TOMM40L: variants seen among roughly 807,000 people sequenced by gnomAD.
The protein encoded by TOMM40L is translocase of outer mitochondrial membrane 40 like.
TOMM40L carries 17 observed loss-of-function variants against 38.3 expected under a neutral mutation model. That is an observed-to-expected ratio of 0.44 (90% CI 0.30 to 0.67). TOMM40L has a LOEUF of 0.67. Among genes scored for constraint, TOMM40L ranks in the 30% least tolerant of loss-of-function variants. The probability of loss-of-function intolerance (pLI) is 0.08; values close to 1 mark genes in which losing one functional copy is unlikely to be tolerated. For synonymous variants in TOMM40L, 151 were observed against 150.2 expected (o/e 1.01, Z -0.04); for missense variants, 294 against 390.0 (o/e 0.75, Z 2.07).
rs1666700804 is a variant in TOMM40L at position 161,229,854 on chromosome 1, G to T, written c.*759G>T. The T allele has an allele frequency of 6.2e-7, 1 of 1,614,178 alleles. No homozygotes were observed. The highest frequency in any genetic ancestry group is 2.2e-5 in the East Asian group (1 of 44,874). ...TGGCAGACAGGCCCTGGATGTGCTGGATTTGGTACCCGTAGGCCTCATTAA... is the reference window on the plus strand; with the variant it reads ...TGGCAGACAGGCCCTGGATGTGCTGTATTTGGTACCCGTAGGCCTCATTAA... On this transcript the variant is annotated 3_prime_UTR_variant, in exon 10 of 10. Transcript: ENST00000367988.
Position 161,230,137 on chromosome 1 carries a change from A to C in TOMM40L, c.*1042A>C. ...GACACTGTCTTCTCTCACCATGCTC[A>C]GTTTTTTCTGAACCCAGAGCTCTGA... On this transcript the variant is annotated 3_prime_UTR_variant, in exon 10 of 10. Coordinates refer to ENST00000367988, the MANE Select transcript of TOMM40L (RefSeq NM_032174.6). 1 of 570,002 alleles carries C rather than the reference A, an allele frequency of 1.8e-6. No individual in the cohort carries two copies. The allele number at this position is 570,002 out of a possible 1,614,324, so 35.3% of individuals were successfully genotyped here.
rs1666597916 is a variant in TOMM40L, at chr1:161,229,064, T to G, written c.896T>G (p.Phe299Cys). 5 of 1,614,102 alleles carry G rather than the reference T, an allele frequency of 3.1e-6. No individual in the cohort carries two copies. The highest frequency in any genetic ancestry group is 4.2e-6 in the Non-Finnish European group (5 of 1,180,008). ...TTCCTCAATCACTGGCGCAACAGAT[T>G]CCATTGTGGCTTCAGCATCACTGTG... is the stretch of plus-strand genomic sequence containing the variant. The part of the protein sequence containing the change: ...GAFLNHWRNR[F>C]HCGFSITVG The change falls in exon 10 of 10, where the codon TTC becomes TGC. Residue 299 changes from phenylalanine to cysteine, a missense_variant. Physicochemically the swap from Phe to Cys is radical, Grantham distance 205. Transcript: ENST00000367988.
rs569420131 is a variant in TOMM40L at position 161,229,565 on chromosome 1, C to T, written c.*470C>T. 128 of 1,443,854 alleles carry T rather than the reference C, an allele frequency of 8.9e-5. No homozygotes were observed. The highest frequency in any genetic ancestry group is 2.0e-4 in the Admixed American group (10 of 49,650). The allele number at this position is 1,443,854 out of a possible 1,614,324, so 89.4% of individuals were successfully genotyped here. ...ATTCCCAGAAGGAGCTTCTTTACCT[C>T]TTAGCCCTGAGGTTTCCTCCTTCCC... On this transcript the variant is annotated 3_prime_UTR_variant, in exon 10 of 10. Transcript: ENST00000367988.
chr1:161,229,649 A>T lies in TOMM40L; in HGVS notation c.*554A>T. On this transcript the variant is annotated 3_prime_UTR_variant, in exon 10 of 10. Transcript: ENST00000367988. ...TATGGTCACCCCCACTATCCCCATG[A>T]CCGCATGAAGAGGCAGTTATTGCTT... 4 of 1,613,258 alleles carry T rather than the reference A, an allele frequency of 2.5e-6. No individual in the cohort carries two copies. The highest frequency in any genetic ancestry group is 3.4e-6 in the Non-Finnish European group (4 of 1,179,836).
chr1:161,230,637 G>T lies in TOMM40L; in HGVS notation c.*1542G>T. Reference sequence around the variant, plus strand: ...GATGAAACAGCAGTATCCAAATACAGCAATTTGGATGCTGAAACGATGTGA... The same window carrying T: ...GATGAAACAGCAGTATCCAAATACATCAATTTGGATGCTGAAACGATGTGA... On this transcript the variant is annotated 3_prime_UTR_variant, in exon 10 of 10. Coordinates refer to ENST00000367988, the MANE Select transcript of TOMM40L (RefSeq NM_032174.6). 1 of 793,832 alleles carries T rather than the reference G, an allele frequency of 1.3e-6. No individual in the cohort carries two copies. Among genetic ancestry groups the T allele is most frequent in the Non-Finnish European group, 2.0e-6 (1 of 508,518 alleles). 49.2% of individuals were successfully genotyped at this position (793,832 alleles called of 1,614,324 possible). A position where few individuals can be genotyped will look rare whatever the true frequency, so the allele number is the denominator to read the frequency against.
chr1:161,228,788 C>T lies in TOMM40L; in HGVS notation c.758C>T (p.Thr253Ile). Residue 253 changes from threonine (T) to isoleucine (I), a missense_variant, in exon 9 of 10, where the codon ACT becomes ATT. Physicochemically the swap from Thr to Ile is moderately conservative, Grantham distance 89 (BLOSUM62 -1). Coordinates refer to ENST00000367988, the MANE Select transcript of TOMM40L (RefSeq NM_032174.6). ...ACATTCTCCTTTGGTTACCACCTGA[C>T]TCTGCCCCAGGCCAACATGGTATTT... ...DTTFSFGYHLTLPQANMVFRG... is the reference protein window; with the variant it reads ...DTTFSFGYHLILPQANMVFRG... 6.2e-7 allele frequency: 1 copy of T among 1,614,172 alleles called. No individual in the cohort carries two copies. Among genetic ancestry groups the T allele is most frequent in the East Asian group, 2.2e-5 (1 of 44,880 alleles).
chr1:161,227,567 T>C, intron 4 of TOMM40L, 69 bp from the exon 5 acceptor site: 3 of 1,361,326 alleles, frequency 2.2e-6, no homozygotes, highest in East Asian at 2.3e-5. Context: ...TTAATGAAGT[T>C]CTATATTTGG....
In TOMM40L at chr1:161,226,616, G is replaced by A. The variant is rs1483863130; in HGVS notation, c.115+12G>A. 1 of 1,610,866 alleles carries A rather than the reference G, an allele frequency of 6.2e-7. No individual in the cohort carries two copies. The highest frequency in any genetic ancestry group is 8.5e-7 in the Non-Finnish European group (1 of 1,177,756). On this transcript the variant is annotated intron_variant, in intron 2 of 9. Transcript: ENST00000367988. ...CCGTCTATGCAAAGGTGAGAACTTG[G>A]CACTTGGGTGTCTCAGGATGAAGGG...
chr1:161,226,478 C>G lies in TOMM40L; in HGVS notation c.-12C>G. 1 of 1,612,356 alleles carries G rather than the reference C, an allele frequency of 6.2e-7. No homozygotes were observed. Among genetic ancestry groups the G allele is most frequent in the Middle Eastern group, 1.7e-4 (1 of 6,040 alleles). On this transcript the variant is annotated 5_prime_UTR_variant, in exon 2 of 10. Transcript: ENST00000367988. The stretch of plus-strand genomic sequence containing the variant: ...AGGCTAACCTCGGCTCTTCCCAGTC[C>G]TCTGGACTAAAATGGGGAACACATT...
intron 2 of TOMM40L, 54 bp from the exon 3 acceptor site, chr1:161,226,834 G>T (rs1666376821): frequency 1.9e-6 from 3 of 1,587,080 alleles, no homozygotes; most frequent in Non-Finnish European, 2.6e-6. Flanking sequence ...ACTATCTTTT[G>T]GGGTAGGGGT....
Position 161,228,001 on chromosome 1 carries a change from G to C in TOMM40L, c.484+12G>C. On this transcript the variant is annotated intron_variant, in intron 6 of 9. Transcript: ENST00000367988. ...GATTGGGGAGTCGGGTGAGGAACTG[G>C]GACAGGGTTCTTTTTATCTTGGCGG... 1.2e-6 allele frequency: 2 copies of C among 1,613,336 alleles called. No homozygotes were observed. The highest frequency in any genetic ancestry group is 1.7e-6 in the Non-Finnish European group (2 of 1,179,374).
intron 3 of TOMM40L, 133 bp downstream of exon 3, chr1:161,227,088 C>A: frequency 8.1e-7 from 1 of 1,233,750 alleles, no homozygotes; most frequent in Non-Finnish European, 1.2e-6. Flanking sequence ...GTTCTCTTTA[C>A]CTCCGTGCCT....
chr1:161,229,588 C>A lies in TOMM40L; in HGVS notation c.*493C>A. The A allele has an allele frequency of 6.4e-7, 1 of 1,554,270 alleles. No homozygotes were observed. Among genetic ancestry groups the A allele is most frequent in the African/African-American group, 1.4e-5 (1 of 74,008 alleles). On this transcript the variant is annotated 3_prime_UTR_variant, in exon 10 of 10. Coordinates refer to ENST00000367988, the MANE Select transcript of TOMM40L (RefSeq NM_032174.6). ...CTCTTAGCCCTGAGGTTTCCTCCTT[C>A]CCATCTTCTGTGCTTCCAGAGAACA...
intron 8 of TOMM40L, 42 bp downstream of exon 8, chr1:161,228,546 T>C (rs1666542146): frequency 1.2e-6 from 2 of 1,607,224 alleles, no homozygotes; most frequent in Admixed American, 3.3e-5. Context: ...AGCAAGTCAG[T>C]CATGAACTTC....
At position 161,230,614 on chromosome 1, in the gene TOMM40L, T is replaced by A; in HGVS notation, c.*1519T>A. ...AAAAAAAAATCTGGAAAAAGTGAGA[T>A]GAAACAGCAGTATCCAAATACAGCA... On this transcript the variant is annotated 3_prime_UTR_variant, in exon 10 of 10. Coordinates refer to ENST00000367988, the MANE Select transcript of TOMM40L (RefSeq NM_032174.6). The A allele has an allele frequency of 1.5e-6, 1 of 682,286 alleles. No homozygotes were observed. 42.3% of individuals were successfully genotyped at this position (682,286 alleles called of 1,614,324 possible). A position where few individuals can be genotyped will look rare whatever the true frequency, so the allele number is the denominator to read the frequency against.
chr1:161,229,192 T>C lies in TOMM40L; in HGVS notation c.*97T>C, dbSNP rs1375638980. The stretch of plus-strand genomic sequence containing the variant: ...CCTCTTCAGAGCCCACCTTGCTGGG[T>C]GATCTCTAGGACCCAGGAGCAGAGT... On this transcript the variant is annotated 3_prime_UTR_variant, in exon 10 of 10. Transcript: ENST00000367988. 34 of 1,569,416 alleles carry C rather than the reference T, an allele frequency of 2.2e-5. No individual in the cohort carries two copies. Among genetic ancestry groups the C allele is most frequent in the South Asian group, 3.4e-5 (3 of 87,624 alleles).
At chr1:161,226,843 G>T in intron 2 of TOMM40L, 45 bp from the exon 3 acceptor site, 2 of 1,605,210 alleles carry the variant, frequency 1.2e-6, no homozygotes, top group Non-Finnish European at 1.7e-6. Flanking sequence ...TGGGGTAGGG[G>T]TTCTTTGTCT....
At chr1:161,228,357 T>C in intron 7 of TOMM40L, 49 bp downstream of exon 7, 1 of 1,610,998 alleles carries the variant, frequency 6.2e-7, no homozygotes, top group Non-Finnish European at 8.5e-7. Flanking sequence ...AATTCTGGAC[T>C]TTTCTGGGGT....
Position 161,226,375 on chromosome 1 carries a change from GAAGTT to G in TOMM40L, c.-114_-110del. On this transcript the variant is annotated 5_prime_UTR_variant, in exon 2 of 10. An upstream open reading frame in the 5' UTR loses its in-frame stop. Coordinates refer to ENST00000367988, the MANE Select transcript of TOMM40L (RefSeq NM_032174.6). ...TCCAGGTGTAGCGTCGGACCATGTG[GAAGTT>G]TCTGAGGCTGGGGAGCCGGATAATG... The G allele has an allele frequency of 2.3e-6, 2 of 864,894 alleles. No homozygotes were observed. Among genetic ancestry groups the G allele is most frequent in the South Asian group, 1.7e-5 (1 of 59,248 alleles). The allele number at this position is 864,894 out of a possible 1,614,324, so 53.6% of individuals were successfully genotyped here.
Sources: allele counts gnomAD v4.1 joint callset, GRCh38; gene constraint gnomAD v4.1.1; transcripts MANE v1.5; gene names NCBI Gene and HGNC (gene_info 2026-07-23, HGNC 2026-07-21).